The following BTF3L4 variants were observed in gnomAD, a reference collection of about 807,000 sequenced individuals.
BTF3L4 encodes the protein basic transcription factor 3 like 4, also known as transcription factor BTF3 homolog 4.
In BTF3L4, 6 loss-of-function variants were observed where a neutral mutation model predicts 16.8. That is an observed-to-expected ratio of 0.36 (90% CI 0.20 to 0.71). The LOEUF (loss-of-function observed/expected upper bound fraction) is 0.71. BTF3L4 is among the 30% of genes least tolerant of loss of function. BTF3L4 has a pLI of 0.58. For synonymous variants in BTF3L4, 39 were observed against 59.8 expected, an observed-to-expected ratio of 0.65 and a Z score of 1.60; for missense variants, 92 against 186.9, an observed-to-expected ratio of 0.49 and a Z score of 2.96.
chr1:52,085,548 A>G (rs774582224), intron 4 of BTF3L4, among the ~76,000 whole-genome samples: 1 of 151,948 alleles, frequency 6.6e-6, no homozygotes, highest in Non-Finnish European at 1.5e-5. Flanking sequence ...TCCACTTTGC[A>G]TATAAATTTT....
intron 1 of BTF3L4, among the ~76,000 whole-genome samples, chr1:52,059,028 A>G (rs1466772697): frequency 6.6e-6 from 1 of 152,214 alleles, no homozygotes; most frequent in East Asian, 1.9e-4. Context: ...AGAATCTTCA[A>G]AATCAAGATT....
chr1:52,067,185 A>G (rs932416341), intron 3 of BTF3L4, among the ~76,000 whole-genome samples: 4 of 152,220 alleles, frequency 2.6e-5, no homozygotes, highest in Admixed American at 2.0e-4. Flanking sequence ...TGCAGTGAGC[A>G]GAGATCATGT....
At chr1:52,075,389 A>G (rs981109233) in intron 3 of BTF3L4, among the ~76,000 whole-genome samples, 1 of 150,970 alleles carries the variant, frequency 6.6e-6, no homozygotes, top group Non-Finnish European at 1.5e-5. Flanking sequence ...GCGTGGTGGC[A>G]CGCTCCTGTA....
At chr1:52,085,096 C>G (rs1184482495) in intron 4 of BTF3L4, among the ~76,000 whole-genome samples, 1 of 132,774 alleles carries the variant, frequency 7.5e-6, no homozygotes, top group Non-Finnish European at 1.5e-5. Flanking sequence ...TCTTGGCTCA[C>G]TGCAACCTCC....
intron 3 of BTF3L4, among the ~76,000 whole-genome samples, chr1:52,073,083 G>A (rs12409792): frequency 0.06 from 9,108 of 151,970 alleles, 298 homozygotes; most frequent in African/African-American, 0.083. Flanking sequence ...TTGGCTGGGC[G>A]TGGTGGTGCA....
At chr1:52,066,264 G>A (rs1393331419) in intron 3 of BTF3L4, among the ~76,000 whole-genome samples, 1 of 151,848 alleles carries the variant, frequency 6.6e-6, no homozygotes, top group African/African-American at 2.4e-5. Flanking sequence ...TGTGATCTCT[G>A]CTCACTGCAA....
At position 52,089,374 on chromosome 1, in the gene BTF3L4, A is replaced by G. The variant is rs1198960856; in HGVS notation, c.*2616A>G. On this transcript the variant is annotated 3_prime_UTR_variant, in exon 6 of 6. Coordinates refer to ENST00000313334, the MANE Select transcript of BTF3L4 (RefSeq NM_152265.5). ...ATTTTTGTATCTTCCCCTTTCCTGAACAAAGCATATTTAGAGTCTCAAAGA... is the reference window on the plus strand; with the variant it reads ...ATTTTTGTATCTTCCCCTTTCCTGAGCAAAGCATATTTAGAGTCTCAAAGA... The G allele has an allele frequency of 1.3e-5, 2 of 152,154 alleles. No individual in the cohort carries two copies. The highest frequency in any genetic ancestry group is 2.9e-5 in the Non-Finnish European group (2 of 68,020). The allele number at this position is 152,154 out of a possible 1,614,324, so 9.4% of individuals were successfully genotyped here.
chr1:52,088,504 G>A lies in BTF3L4; in HGVS notation c.*1746G>A, dbSNP rs1186535785. 1 of 152,546 alleles carries A rather than the reference G, an allele frequency of 6.6e-6. No individual in the cohort carries two copies. Among genetic ancestry groups the A allele is most frequent in the Non-Finnish European group, 1.5e-5 (1 of 68,020 alleles). 9.4% of individuals were successfully genotyped at this position (152,546 alleles called of 1,614,324 possible). On this transcript the variant is annotated 3_prime_UTR_variant, in exon 6 of 6. Transcript: ENST00000313334. ...TAGTGCAGTAATTGTTTGAAATAAT[G>A]CCTCATCCAGTGTTAGGTCAGTAGC...
chr1:52,067,200 CTCTG>C (rs561910528), intron 3 of BTF3L4, among the ~76,000 whole-genome samples: 35 of 151,958 alleles, frequency 2.3e-4, no homozygotes, highest in Non-Finnish European at 3.4e-4. Context: ...TCATGTGAGA[CTCTG>C]TCTGAAAAAA....
chr1:52,060,914 A>G (rs17107020), intron 2 of BTF3L4, among the ~76,000 whole-genome samples: 9,142 of 152,344 alleles, frequency 0.06, 299 homozygotes, highest in African/African-American at 0.083. Context: ...ACCATAGAAT[A>G]TACCTAGAAG....
intron 3 of BTF3L4, among the ~76,000 whole-genome samples, chr1:52,077,248 T>A (rs1686956364): frequency 6.6e-6 from 1 of 152,080 alleles, no homozygotes; most frequent in Admixed American, 6.5e-5. Flanking sequence ...TAGGATGGAG[T>A]AGGCAACTGC....
intron 3 of BTF3L4, among the ~76,000 whole-genome samples, chr1:52,070,659 G>A (rs1359409667): frequency 6.9e-6 from 1 of 145,938 alleles, no homozygotes; most frequent in Non-Finnish European, 1.5e-5. Flanking sequence ...TTGGTGGGGG[G>A]ATGGTCTCAC....
intron 3 of BTF3L4, among the ~76,000 whole-genome samples, chr1:52,082,428 G>C (rs559038717): frequency 6.6e-6 from 1 of 152,126 alleles, no homozygotes; most frequent in Non-Finnish European, 1.5e-5. Context: ...TTGTTGAGAA[G>C]CTACCCTTAA....
intron 3 of BTF3L4, among the ~76,000 whole-genome samples, chr1:52,075,726 C>T (rs931267127): frequency 6.6e-6 from 1 of 151,634 alleles, no homozygotes; most frequent in South Asian, 2.1e-4. Context: ...TGCGGTGGCG[C>T]GATCTTGGCT....
chr1:52,064,866 C>T lies in BTF3L4; in HGVS notation c.96C>T (p.Ala32=). The T allele has an allele frequency of 6.2e-7, 1 of 1,612,964 alleles. No homozygotes were observed. Among genetic ancestry groups the T allele is most frequent in the South Asian group, 1.1e-5 (1 of 90,918 alleles). ...RRKKKVVHRT[A]TADDKKLQSS... is the part of the protein sequence containing the mutation. ...AGAAGAAGGTGGTACATAGAACAGC[C>T]ACAGCTGATGACAAAAAGCTTCAGA... is the stretch of plus-strand genomic sequence containing the variant. Residue 32 remains alanine (A), a synonymous_variant, in exon 3 of 6, where the codon GCC becomes GCT. Coordinates refer to ENST00000313334, the MANE Select transcript of BTF3L4 (RefSeq NM_152265.5).
intron 2 of BTF3L4, chr1:52,060,477 A>G (rs1218827915): frequency 6.3e-6 from 8 of 1,270,996 alleles, no homozygotes; most frequent in Non-Finnish European, 7.2e-6. Flanking sequence ...GAATATGAAT[A>G]TCAGCTTTCT....
chr1:52,084,308 A>C (rs1200751385), intron 4 of BTF3L4, among the ~76,000 whole-genome samples: 1 of 151,866 alleles, frequency 6.6e-6, no homozygotes, highest in African/African-American at 2.4e-5. Context: ...GCACCCAGTT[A>C]ATTTTTGTAT....
intron 3 of BTF3L4, 107 bp from the exon 4 acceptor site, chr1:52,083,233 A>G (rs1643941151): frequency 1.1e-6 from 1 of 876,014 alleles, no homozygotes; most frequent in Non-Finnish European, 1.8e-6. Context: ...CCTTGGGATT[A>G]CATAACTACC....
At position 52,089,892 on chromosome 1, in the gene BTF3L4, A is replaced by G. The variant is rs536364298; in HGVS notation, c.*3134A>G. ...CCATTAAATTCACTTTAATAAGCCTATGAAGTTCTTATGAAAAACCCATAT... is the reference window on the plus strand; with the variant it reads ...CCATTAAATTCACTTTAATAAGCCTGTGAAGTTCTTATGAAAAACCCATAT... On this transcript the variant is annotated 3_prime_UTR_variant, in exon 6 of 6. Transcript: ENST00000313334. 2 of 152,344 alleles carry G rather than the reference A, an allele frequency of 1.3e-5. No homozygotes were observed. Among genetic ancestry groups the G allele is most frequent in the East Asian group, 1.9e-4 (1 of 5,190 alleles). 9.4% of individuals were successfully genotyped at this position (152,344 alleles called of 1,614,324 possible).
Sources: gnomAD v4.1 joint callset for allele counts (sites outside exome capture counted in the v4.1 genomes callset) on GRCh38, gnomAD v4.1.1 for gene constraint, MANE v1.5 for transcripts, NCBI Gene and HGNC (gene_info 2026-07-23, HGNC 2026-07-21) for gene names.